Variants in CHD9 observed in about 807,000 individuals in gnomAD.
CHD9 encodes the protein ATP-dependent chromatin remodeler CHD9.
A neutral mutation model predicts 316.1 loss-of-function variants in CHD9; 77 were observed. The ratio of observed to expected loss-of-function variants is 0.24; its 90% CI spans 0.20 to 0.29. CHD9 has a LOEUF of 0.29. Among genes scored for constraint, CHD9 ranks in the 10% least tolerant of loss-of-function variants. The pLI, the probability that CHD9 is intolerant of heterozygous loss-of-function variation, is 1.00. For missense variants in CHD9, 2,763 were observed against 3,438.1 expected (o/e 0.80, Z 4.91); for synonymous variants, 1,129 against 1,158.3 (o/e 0.97, Z 0.51).
chr16:53,108,880 G>A (rs1350401287), intron 1 of CHD9, among the ~76,000 whole-genome samples: 1 of 151,458 alleles, frequency 6.6e-6, no homozygotes, highest in African/African-American at 2.4e-5. Flanking sequence ...GGCAATAAGA[G>A]CAAAACTGTT....
chr16:53,253,849 C>T (rs1055438195), intron 17 of CHD9, among the ~76,000 whole-genome samples: 3 of 152,044 alleles, frequency 2.0e-5, no homozygotes, highest in East Asian at 1.9e-4. Context: ...GGTTTTGTGT[C>T]CCTGCCTAAA....
At chr16:53,066,330 C>T (rs1031198097) in intron 1 of CHD9, among the ~76,000 whole-genome samples, 4 of 152,136 alleles carry the variant, frequency 2.6e-5, no homozygotes, top group East Asian at 1.9e-4. Context: ...CCCAAGTCAT[C>T]GAGTTTGCTG....
chr16:53,075,594 T>A (rs867006914), intron 1 of CHD9, among the ~76,000 whole-genome samples: 25 of 152,246 alleles, frequency 1.6e-4, no homozygotes, highest in Middle Eastern at 6.8e-3. Flanking sequence ...TCTCACGAGA[T>A]CTGATGGTTT....
At chr16:53,308,272 C>T (rs888261034) in intron 33 of CHD9, among the ~76,000 whole-genome samples, 1 of 152,106 alleles carries the variant, frequency 6.6e-6, no homozygotes, top group Non-Finnish European at 1.5e-5. Flanking sequence ...CTGTTTTAAA[C>T]ATTTAGCATG....
intron 29 of CHD9, among the ~76,000 whole-genome samples, chr16:53,295,774 G>T (rs542188302): frequency 8.6e-5 from 13 of 151,960 alleles, no homozygotes; most frequent in Admixed American, 7.9e-4. Context: ...TTTTTCAAAG[G>T]CCTGTCCCAT....
chr16:53,309,581 G>A (rs1190704899), intron 34 of CHD9, among the ~76,000 whole-genome samples: 1 of 152,176 alleles, frequency 6.6e-6, no homozygotes, highest in Non-Finnish European at 1.5e-5. Flanking sequence ...GCCCTGTGCT[G>A]TGTACTCCGT....
chr16:53,097,354 CCCTT>C (rs58688221), intron 1 of CHD9, among the ~76,000 whole-genome samples: 41,292 of 91,210 alleles, frequency 0.45, 6,364 homozygotes, highest in Middle Eastern at 0.56. Flanking sequence ...ACCTCGCTCT[CCCTT>C]CCTTCCTTCC....
chr16:53,158,300 A>G (rs2041663527), intron 2 of CHD9, among the ~76,000 whole-genome samples: 1 of 152,256 alleles, frequency 6.6e-6, no homozygotes, highest in South Asian at 2.1e-4. Context: ...TGAAAAAAGC[A>G]TAGCTCATTA....
chr16:53,128,269 G>C (rs1025727728), intron 1 of CHD9, among the ~76,000 whole-genome samples: 2 of 151,960 alleles, frequency 1.3e-5, no homozygotes, highest in African/African-American at 4.8e-5. Context: ...TGCAACCGCT[G>C]CCTCCCAGAT....
intron 1 of CHD9, chr16:53,131,027 C>G (rs1251538364): frequency 1.3e-5 from 2 of 153,964 alleles, no homozygotes; most frequent in East Asian, 2.0e-4. Flanking sequence ...CTCCCTGCCC[C>G]GCGCTGACAG....
chr16:53,291,696 T>G (rs1201801992), intron 27 of CHD9, 29 bp from the exon 28 acceptor site: 4 of 1,508,242 alleles, frequency 2.7e-6, no homozygotes, highest in Non-Finnish European at 3.6e-6. Context: ...CCAATTACCC[T>G]GTGACAAGTT....
chr16:53,125,488 G>A (rs1032149347), intron 1 of CHD9, among the ~76,000 whole-genome samples: 5 of 152,022 alleles, frequency 3.3e-5, no homozygotes, highest in Non-Finnish European at 5.9e-5. Flanking sequence ...CACCTGCCTC[G>A]GCCTTCCAAA....
intron 10 of CHD9, among the ~76,000 whole-genome samples, chr16:53,234,082 A>G (rs1229372625): frequency 6.6e-6 from 1 of 152,162 alleles, no homozygotes; most frequent in Non-Finnish European, 1.5e-5. Context: ...ATTTCTTTTG[A>G]AAGAAATGTT....
intron 2 of CHD9, among the ~76,000 whole-genome samples, chr16:53,165,824 C>T (rs1281260331): frequency 5.9e-5 from 9 of 151,860 alleles, no homozygotes; most frequent in Middle Eastern, 3.2e-3. Context: ...ATCAGATGTA[C>T]GCACAATTAA....
intron 1 of CHD9, among the ~76,000 whole-genome samples, chr16:53,139,539 A>G (rs2039952683): frequency 6.6e-6 from 1 of 152,176 alleles, no homozygotes. Flanking sequence ...AGAGAACAGT[A>G]TTGGAGATTA....
At chr16:53,265,414 T>G (rs2051561277) in intron 20 of CHD9, among the ~76,000 whole-genome samples, 1 of 151,796 alleles carries the variant, frequency 6.6e-6, no homozygotes, top group Admixed American at 6.6e-5. Context: ...AAAATTAAAT[T>G]AGTTTAAAAA....
At chr16:53,273,278 G>A (rs1284479642) in intron 22 of CHD9, among the ~76,000 whole-genome samples, 1 of 152,098 alleles carries the variant, frequency 6.6e-6, no homozygotes, top group African/African-American at 2.4e-5. Flanking sequence ...AGCAAGAGTA[G>A]AGGTCAAAAC....
chr16:53,095,135 T>A (rs1186461312), intron 1 of CHD9, among the ~76,000 whole-genome samples: 1 of 152,174 alleles, frequency 6.6e-6, no homozygotes, highest in Non-Finnish European at 1.5e-5. Context: ...TACTTTGCCT[T>A]CCCCACCCTA....
At chr16:53,108,445 C>A (rs976747940) in intron 1 of CHD9, among the ~76,000 whole-genome samples, 4 of 151,948 alleles carry the variant, frequency 2.6e-5, no homozygotes, top group Admixed American at 6.6e-5. Context: ...GTGGAGGCTG[C>A]AGTGAGCTAT....
Sources: gnomAD v4.1 joint callset for allele counts (sites outside exome capture counted in the v4.1 genomes callset) on GRCh38, gnomAD v4.1.1 for gene constraint, MANE v1.5 for transcripts, NCBI Gene and HGNC (gene_info 2026-07-23, HGNC 2026-07-21) for gene names.